The following ARL15 variants were observed in gnomAD, a reference collection of about 807,000 sequenced individuals.
ARL15 encodes ARF like GTPase 15.
ARL15 carries 19 observed loss-of-function variants against 25.2 expected under a neutral mutation model. The ratio of observed to expected loss-of-function variants is 0.75; its 90% CI spans 0.53 to 1.10. ARL15 has a LOEUF of 1.10. Ranked by LOEUF, ARL15 falls within the 50% of genes least tolerant of loss-of-function variation. ARL15 has a pLI of 0.00. For synonymous variants in ARL15, 94 were observed against 86.8 expected, an observed-to-expected ratio of 1.08 and a Z score of -0.46; for missense variants, 220 against 246.0, an observed-to-expected ratio of 0.89 and a Z score of 0.71.
chr5:53,890,338 C>T (rs1171502870), intron 4 of ARL15, among the ~76,000 whole-genome samples: 1 of 151,952 alleles, frequency 6.6e-6, no homozygotes, highest in African/African-American at 2.4e-5. Context: ...AAAAAAACTG[C>T]CTGTGATGCA....
At chr5:54,049,504 A>C (rs764453732) in intron 4 of ARL15, among the ~76,000 whole-genome samples, 2 of 152,214 alleles carry the variant, frequency 1.3e-5, no homozygotes, top group South Asian at 4.1e-4. Context: ...GAAAGTAAAT[A>C]TCCAATTTTT....
chr5:54,122,554 T>TCTTATCTTA (rs1753116660), intron 3 of ARL15, among the ~76,000 whole-genome samples: 1 of 152,250 alleles, frequency 6.6e-6, no homozygotes, highest in East Asian at 1.9e-4. Flanking sequence ...TCTCTTTCTT[T>TCTTATCTTA]TGTTATAAAG....
intron 4 of ARL15, among the ~76,000 whole-genome samples, chr5:54,047,309 G>C (rs373168830): frequency 6.6e-6 from 1 of 152,166 alleles, no homozygotes. Context: ...GACATCAACA[G>C]AGCTAGACTG....
intron 1 of ARL15, among the ~76,000 whole-genome samples, chr5:54,285,723 C>A (rs1048750076): frequency 3.3e-5 from 5 of 152,122 alleles, no homozygotes; most frequent in Non-Finnish European, 7.4e-5. Flanking sequence ...AAAGGGCATA[C>A]GGGAGCAGTA....
At chr5:54,210,453 A>C (rs1352968756) in intron 1 of ARL15, among the ~76,000 whole-genome samples, 1 of 152,194 alleles carries the variant, frequency 6.6e-6, no homozygotes, top group Non-Finnish European at 1.5e-5. Flanking sequence ...CGTTATTTCA[A>C]CAAAATGATA....
intron 1 of ARL15, among the ~76,000 whole-genome samples, chr5:54,200,552 G>A (rs1236239543): frequency 6.6e-6 from 1 of 151,766 alleles, no homozygotes; most frequent in South Asian, 2.1e-4. Flanking sequence ...ACCAATTGAG[G>A]GTACTTAAGT....
At chr5:53,985,200 C>G (rs188176791) in intron 4 of ARL15, among the ~76,000 whole-genome samples, 62 of 152,244 alleles carry the variant, frequency 4.1e-4, no homozygotes, top group African/African-American at 1.4e-3. Flanking sequence ...CCAAGAACAG[C>G]AGGTCTTTCT....
chr5:53,960,361 T>G (rs1214181310), intron 4 of ARL15, among the ~76,000 whole-genome samples: 1 of 152,202 alleles, frequency 6.6e-6, no homozygotes, highest in Non-Finnish European at 1.5e-5. Context: ...TTGTGACCCT[T>G]GATGACAGCT....
chr5:54,160,669 T>G (rs1754376923), intron 2 of ARL15, among the ~76,000 whole-genome samples: 1 of 152,200 alleles, frequency 6.6e-6, no homozygotes, highest in African/African-American at 2.4e-5. Flanking sequence ...TCTGGAGGAT[T>G]TCTTGGCTCT....
chr5:54,209,992 A>G (rs965983532), intron 1 of ARL15, among the ~76,000 whole-genome samples: 1 of 152,204 alleles, frequency 6.6e-6, no homozygotes, highest in Non-Finnish European at 1.5e-5. Flanking sequence ...GAGTTCTTTG[A>G]AAAAGGAAGA....
chr5:54,270,859 CAT>C, intron 1 of ARL15, among the ~76,000 whole-genome samples: 1 of 152,218 alleles, frequency 6.6e-6, no homozygotes, highest in African/African-American at 2.4e-5. Context: ...AGGAGATTGG[CAT>C]GTGAGTCTGA....
intron 1 of ARL15, among the ~76,000 whole-genome samples, chr5:54,299,486 A>G (rs1383664844): frequency 2.0e-5 from 3 of 152,038 alleles, no homozygotes; most frequent in African/African-American, 7.2e-5. Flanking sequence ...ATAATAGTAA[A>G]TGTATAGCAT....
intron 2 of ARL15, among the ~76,000 whole-genome samples, chr5:54,161,158 T>C (rs1004472414): frequency 6.6e-6 from 1 of 152,164 alleles, no homozygotes; most frequent in African/African-American, 2.4e-5. Context: ...GTTACCATAA[T>C]GTAATTAACA....
At chr5:53,886,894 T>TG (rs1744544032) in intron 4 of ARL15, among the ~76,000 whole-genome samples, 181 bp from the exon 5 acceptor site, 1 of 152,186 alleles carries the variant, frequency 6.6e-6, no homozygotes, top group Admixed American at 6.5e-5. Context: ...TTATATATTG[T>TG]GACCTGGGAG....
intron 4 of ARL15, among the ~76,000 whole-genome samples, chr5:53,964,859 T>C (rs562549821): frequency 6.6e-6 from 1 of 152,210 alleles, no homozygotes; most frequent in East Asian, 1.9e-4. Context: ...TTGTTACAAG[T>C]AAAAGAGCAG....
chr5:53,962,849 AATAAGGTT>A (rs970295376), intron 4 of ARL15, among the ~76,000 whole-genome samples: 5 of 152,188 alleles, frequency 3.3e-5, no homozygotes, highest in African/African-American at 1.2e-4. Flanking sequence ...GAGTTATCAA[AATAAGGTT>A]TTTTTATTTT....
At chr5:54,237,742 T>C (rs1174525637) in intron 1 of ARL15, among the ~76,000 whole-genome samples, 5 of 152,236 alleles carry the variant, frequency 3.3e-5, no homozygotes, top group South Asian at 2.1e-4. Context: ...CGGGTGATCC[T>C]TTGTAGAATT....
intron 1 of ARL15, among the ~76,000 whole-genome samples, chr5:54,198,547 T>C (rs1755623221): frequency 6.9e-6 from 1 of 145,714 alleles, no homozygotes; most frequent in African/African-American, 2.6e-5. Context: ...CCATTCACAA[T>C]TGCTTCAAAG....
At chr5:54,168,825 A>T (rs1270242711) in intron 2 of ARL15, among the ~76,000 whole-genome samples, 1 of 152,150 alleles carries the variant, frequency 6.6e-6, no homozygotes, top group African/African-American at 2.4e-5. Context: ...TTTAACTTTC[A>T]TATTTACACC....
Sources: gnomAD v4.1 joint callset for allele counts (sites outside exome capture counted in the v4.1 genomes callset) on GRCh38, gnomAD v4.1.1 for gene constraint, MANE v1.5 for transcripts, NCBI Gene and HGNC (gene_info 2026-07-23, HGNC 2026-07-21) for gene names.